The following HORMAD1 variants were observed in gnomAD, a reference collection of about 807,000 sequenced individuals.
The protein encoded by HORMAD1 is HORMA domain-containing protein 1.
A neutral mutation model predicts 58.2 loss-of-function variants in HORMAD1; 33 were observed. That is an observed-to-expected ratio of 0.57 (90% confidence interval 0.43 to 0.76). The LOEUF (loss-of-function observed/expected upper bound fraction) is 0.76, where lower values mean the gene tolerates loss of function less well. HORMAD1 is among the 30% of genes least tolerant of loss of function. The pLI is 0.00. For synonymous variants in HORMAD1, 137 were observed against 144.6 expected, an observed-to-expected ratio of 0.95 and a Z score of 0.38; for missense variants, 363 against 462.0, an observed-to-expected ratio of 0.79 and a Z score of 1.96.
intron 9 of HORMAD1, 98 bp from the exon 10 acceptor site, chr1:150,706,907 T>C (rs1206991042): frequency 9.9e-6 from 10 of 1,005,608 alleles, no homozygotes; most frequent in Non-Finnish European, 1.3e-5. Flanking sequence ...TTTCAAATAG[T>C]ATATAAGGGC....
chr1:150,713,303 G>C (rs1357089700), intron 5 of HORMAD1, among the ~76,000 whole-genome samples: 1 of 151,798 alleles, frequency 6.6e-6, no homozygotes. Flanking sequence ...GACCTTTTTT[G>C]TTTTGTTGAT....
chr1:150,704,495 T>C (rs1651630730), intron 10 of HORMAD1, 152 bp from the exon 11 acceptor site: 2 of 607,286 alleles, frequency 3.3e-6, no homozygotes, highest in Non-Finnish European at 5.7e-6. Flanking sequence ...CTTGTATTAC[T>C]AGCACTTTGG....
Position 150,698,719 on chromosome 1 carries a change from C to A in HORMAD1, c.1120G>T (p.Asp374Tyr). 1 of 1,593,718 alleles carries A rather than the reference C, an allele frequency of 6.3e-7. No individual in the cohort carries two copies. The highest frequency in any genetic ancestry group is 8.6e-7 in the Non-Finnish European group (1 of 1,163,814). The change falls in exon 15 of 15, where the codon GAT becomes TAT. Residue 374 changes from aspartate (D) to tyrosine (Y), a missense_variant. Coordinates refer to ENST00000361824, the MANE Select transcript of HORMAD1 (RefSeq NM_032132.5). ...GGCACTGACTCTTGACTAGAAGAAT[C>A]AAAGTGATGGAGGACCTGTCAAAAG... The part of the protein sequence containing the change: ...ESGRIVLHHF[D>Y]SSSQESVPKR...
At chr1:150,709,855 A>C (rs1406578993) in intron 7 of HORMAD1, among the ~76,000 whole-genome samples, 1 of 152,178 alleles carries the variant, frequency 6.6e-6, no homozygotes, top group East Asian at 1.9e-4. Context: ...CTCCACTGAG[A>C]TGTTTGGGTG....
intron 5 of HORMAD1, among the ~76,000 whole-genome samples, chr1:150,712,892 A>G (rs986224928): frequency 6.6e-6 from 1 of 152,170 alleles, no homozygotes. Flanking sequence ...TTCTATGTAT[A>G]AGCTTTGAAT....
rs587705899 is a variant in HORMAD1 at position 150,712,044 on chromosome 1, C to G, written c.280-191G>C. 2.4e-4 allele frequency among the ~76,000 whole-genome samples: 37 copies of G among 152,236 alleles called. No individual in the cohort carries two copies. The South Asian group carries it at 7.7e-3, about 32-fold the overall frequency. On this transcript the variant is annotated intron_variant, in intron 5 of 14. Coordinates refer to ENST00000361824, the MANE Select transcript of HORMAD1 (RefSeq NM_032132.5). ...TATGCTTCCCTATCCCCTGAAATAT[C>G]TATTGCTACTAAAATTACTGATGAT...
chr1:150,711,879 CT>C, intron 5 of HORMAD1, 26 bp from the exon 6 acceptor site: 1 of 1,492,858 alleles, frequency 6.7e-7, no homozygotes, highest in Non-Finnish European at 9.3e-7. Flanking sequence ...GAACAAAAAT[CT>C]TACTTGTAGT....
intron 7 of HORMAD1, among the ~76,000 whole-genome samples, chr1:150,709,950 A>G (rs1311352773): frequency 1.3e-5 from 2 of 152,162 alleles, no homozygotes. Context: ...TATTGCTCAC[A>G]TGTTTGTTGC....
Position 150,708,978 on chromosome 1 carries a change from C to T in HORMAD1, c.328-17G>A. The T allele has an allele frequency of 4.9e-6, 6 of 1,226,528 alleles. No individual in the cohort carries two copies. Among genetic ancestry groups the T allele is most frequent in the South Asian group, 2.4e-5 (2 of 82,696 alleles). The allele number at this position is 1,226,528 out of a possible 1,614,324, so 76.0% of individuals were successfully genotyped here. A position where few individuals can be genotyped will look rare whatever the true frequency, so the allele number is the denominator to read the frequency against. On this transcript the variant is annotated splice_polypyrimidine_tract_variant and intron_variant, in intron 7 of 14. Transcript: ENST00000361824. ...TGAAATTGTCTTAAATAGAAAATAT[C>T]GCAGTTATGCTTCTGATATTCAGTA...
At chr1:150,719,916 T>G (rs1652194575) in intron 1 of HORMAD1, among the ~76,000 whole-genome samples, 2 of 152,184 alleles carry the variant, frequency 1.3e-5, no homozygotes, top group African/African-American at 4.8e-5. Context: ...TTATTTGTTT[T>G]TATTTTTCAT....
At chr1:150,703,256 T>A in intron 13 of HORMAD1, 54 bp downstream of exon 13, 1 of 901,856 alleles carries the variant, frequency 1.1e-6, no homozygotes, top group South Asian at 1.5e-5. Context: ...TAAACTCACA[T>A]ATGGGGGAGA....
intron 5 of HORMAD1, among the ~76,000 whole-genome samples, chr1:150,712,943 T>C (rs1335687113): frequency 6.6e-6 from 1 of 152,230 alleles, no homozygotes; most frequent in Non-Finnish European, 1.5e-5. Flanking sequence ...CTGAGTGCTC[T>C]GGCCCTGCTT....
At chr1:150,710,630 A>G (rs1388924051) in intron 7 of HORMAD1, among the ~76,000 whole-genome samples, 2 of 152,186 alleles carry the variant, frequency 1.3e-5, no homozygotes, top group Non-Finnish European at 2.9e-5. Context: ...TACCCAAATG[A>G]TCTGCTTTGT....
chr1:150,703,212 A>C, intron 13 of HORMAD1, 98 bp downstream of exon 13: 1 of 693,246 alleles, frequency 1.4e-6, no homozygotes, highest in Non-Finnish European at 2.5e-6. Flanking sequence ...ATAGGTACTT[A>C]GTAAATACTG....
At chr1:150,699,871 T>G (rs1651485701) in intron 14 of HORMAD1, among the ~76,000 whole-genome samples, 1 of 152,018 alleles carries the variant, frequency 6.6e-6, no homozygotes, top group Non-Finnish European at 1.5e-5. Context: ...CCAATTACTT[T>G]AAATCATTCA....
chr1:150,707,157 A>G (rs981951541), intron 9 of HORMAD1, among the ~76,000 whole-genome samples: 1 of 152,124 alleles, frequency 6.6e-6, no homozygotes, highest in African/African-American at 2.4e-5. Flanking sequence ...CATAGTAAAT[A>G]CTCAATAAAT....
rs587630734 is a variant in HORMAD1 at position 150,704,443 on chromosome 1, T to C, written c.805-100A>G. ...GAACAAATTTGTTTCATGTGAAGGC[T>C]AAATACAATATAAAACTACTGGCCG... On this transcript the variant is annotated intron_variant, in intron 10 of 14. Coordinates refer to ENST00000361824, the MANE Select transcript of HORMAD1 (RefSeq NM_032132.5). 1.7e-4 allele frequency: 127 copies of C among 735,464 alleles called. No homozygotes were observed. The South Asian group carries it at 2.1e-3, about 12-fold the overall frequency. 45.6% of individuals were successfully genotyped at this position (735,464 alleles called of 1,614,324 possible). A position where few individuals can be genotyped will look rare whatever the true frequency, so the allele number is the denominator to read the frequency against.
At position 150,711,534 on chromosome 1, in the gene HORMAD1, A is replaced by G; in HGVS notation, c.327+11T>C. 1.9e-6 allele frequency: 3 copies of G among 1,587,994 alleles called. No homozygotes were observed. Among genetic ancestry groups the G allele is most frequent in the Non-Finnish European group, 2.6e-6 (3 of 1,156,850 alleles). Reference sequence around the variant, plus strand: ...GGCATTATGTTTCTTTAGTAACTCAAGCACACTTACCTGAGGATCTTCTGG... The same window carrying G: ...GGCATTATGTTTCTTTAGTAACTCAGGCACACTTACCTGAGGATCTTCTGG... On this transcript the variant is annotated intron_variant, in intron 7 of 14. Transcript: ENST00000361824.
intron 13 of HORMAD1, chr1:150,701,738 C>A (rs1182170668): frequency 6.6e-6 from 1 of 151,880 alleles, no homozygotes; most frequent in African/African-American, 2.4e-5. Context: ...TAATTCATAC[C>A]AAAAGCTAAA....
Sources: allele counts gnomAD v4.1 joint callset (sites outside exome capture counted in the v4.1 genomes callset), GRCh38; gene constraint gnomAD v4.1.1; transcripts MANE v1.5; gene names NCBI Gene and HGNC (gene_info 2026-07-23, HGNC 2026-07-21).